INTS6: variants seen among roughly 807,000 people sequenced by gnomAD.
INTS6 encodes the protein DEAD box protein.
In INTS6, 16 loss-of-function variants were observed where a neutral mutation model predicts 104.9. The ratio of observed to expected loss-of-function variants is 0.15; its 90% CI spans 0.10 to 0.23. INTS6 has a LOEUF of 0.23. Ranked by LOEUF, INTS6 falls within the 10% of genes least tolerant of loss-of-function variation. The pLI is 1.00. For missense variants in INTS6, 584 were observed against 1,062.8 expected, an observed-to-expected ratio of 0.55 and a Z score of 6.26; for synonymous variants, 324 against 358.7, an observed-to-expected ratio of 0.90 and a Z score of 1.09.
intron 4 of INTS6, among the ~76,000 whole-genome samples, chr13:51,399,470 A>T (rs917114241): frequency 2.0e-5 from 3 of 152,224 alleles, no homozygotes; most frequent in Non-Finnish European, 4.4e-5. Flanking sequence ...GAATAGTGTA[A>T]CTATGAAATT....
At chr13:51,410,310 A>G (rs1234722056) in intron 4 of INTS6, among the ~76,000 whole-genome samples, 2 of 152,210 alleles carry the variant, frequency 1.3e-5, no homozygotes. Flanking sequence ...AGACTTAACT[A>G]AATGATTTCA....
downstream of INTS6, among the ~76,000 whole-genome samples, chr13:51,349,320 C>A (rs1239242865): frequency 1.3e-5 from 2 of 152,248 alleles, no homozygotes; most frequent in East Asian, 3.9e-4. Context: ...AAGTTAAGGG[C>A]CAAGGTCTAA....
chr13:51,429,895 A>T (rs947655487), intron 4 of INTS6, among the ~76,000 whole-genome samples: 6 of 150,544 alleles, frequency 4.0e-5, no homozygotes, highest in African/African-American at 1.5e-4. Flanking sequence ...GCTTTGCTAT[A>T]CTCTAGCCAA....
At chr13:51,394,952 G>C (rs1483802232) in intron 5 of INTS6, among the ~76,000 whole-genome samples, 1 of 152,144 alleles carries the variant, frequency 6.6e-6, no homozygotes, top group Non-Finnish European at 1.5e-5. Context: ...CAAATACACA[G>C]AGATGATTCT....
At chr13:51,344,401 A>C in the INTS6 span, 1 of 1,611,946 alleles carries the variant, frequency 6.2e-7, no homozygotes, top group Non-Finnish European at 8.5e-7. Flanking sequence ...CTGGTGGGCT[A>C]ACAGCAGCCT....
chr13:51,368,900 C>A, intron 16 of INTS6, 39 bp downstream of exon 16: 1 of 1,510,552 alleles, frequency 6.6e-7, no homozygotes, highest in Non-Finnish European at 8.8e-7. Flanking sequence ...TGAGCACATA[C>A]AGAAATCAGA....
downstream of INTS6, chr13:51,361,547 A>T (rs1955575255): frequency 6.8e-6 from 4 of 591,848 alleles, no homozygotes; most frequent in Middle Eastern, 4.0e-4. Context: ...GGAAGAAGAG[A>T]TATCCATCCC....
Position 51,369,273 on chromosome 13 carries a change from C to G in INTS6, c.2142G>C (p.Val714=). 1 of 1,613,016 alleles carries G rather than the reference C, an allele frequency of 6.2e-7. No individual in the cohort carries two copies. The highest frequency in any genetic ancestry group is 2.2e-5 in the East Asian group (1 of 44,846). ...ETTNDSIIHD[V]VENHVADQLS... ...GTTGGTCTGCAACATGATTTTCAAC[C>G]ACATCATGTATTATCGAATCATTAG... The change falls in exon 16 of 18, where the codon GTG becomes GTC. Residue 714 remains valine (V), a synonymous_variant. Transcript: ENST00000311234.
At chr13:51,340,852 A>G in the INTS6 span, 1 of 568,982 alleles carries the variant, frequency 1.8e-6, no homozygotes, top group South Asian at 2.2e-5. Flanking sequence ...TTGGCTGCCA[A>G]AGGACCACAG....
At chr13:51,437,978 T>C (rs1026701351) in intron 3 of INTS6, 3 of 152,154 alleles carry the variant, frequency 2.0e-5, no homozygotes, top group African/African-American at 7.2e-5. Flanking sequence ...CACTGCCCTC[T>C]AGCCTGGGCG....
chr13:51,420,975 T>G (rs1000266185), intron 4 of INTS6: 1 of 279,700 alleles, frequency 3.6e-6, no homozygotes, highest in African/African-American at 2.3e-5. Flanking sequence ...ATAATCATCA[T>G]CAACCAATTT....
intron 5 of INTS6, 97 bp from the exon 6 acceptor site, chr13:51,389,541 G>T: frequency 3.3e-6 from 4 of 1,217,378 alleles, no homozygotes; most frequent in Non-Finnish European, 4.4e-6. Flanking sequence ...ACAACTGTGG[G>T]GTTTCTGACA....
intron 3 of INTS6, chr13:51,444,252 A>ATTTTTTTTTT (rs57566246): frequency 1.8e-5 from 1 of 54,410 alleles, no homozygotes; most frequent in Non-Finnish European, 3.1e-5. Flanking sequence ...CCCCCAGCTA[A>ATTTTTTTTTT]TTTTTTTTTT....
rs1039756786 is a variant in INTS6, at chr13:51,365,477, C to T, written c.*275G>A. 7 of 187,858 alleles carry T rather than the reference C, an allele frequency of 3.7e-5. No homozygotes were observed. The highest frequency in any genetic ancestry group is 1.8e-4 in the Admixed American group (3 of 16,748). The allele number at this position is 187,858 out of a possible 1,614,324, so 11.6% of individuals were successfully genotyped here. A position where few individuals can be genotyped will look rare whatever the true frequency, so the allele number is the denominator to read the frequency against. On this transcript the variant is annotated 3_prime_UTR_variant, in exon 18 of 18. Transcript: ENST00000311234. Reference sequence around the variant, plus strand: ...AAATAGAACCTGAGGGAAATTGACACGCAAGAGTCAATGACAAGCAAGAGA... The same window carrying T: ...AAATAGAACCTGAGGGAAATTGACATGCAAGAGTCAATGACAAGCAAGAGA...
chr13:51,410,921 A>G (rs1956672406), intron 4 of INTS6, among the ~76,000 whole-genome samples: 1 of 152,090 alleles, frequency 6.6e-6, no homozygotes, highest in Admixed American at 6.6e-5. Context: ...ATAGAAAATA[A>G]GCACATGGAG....
intron 3 of INTS6, chr13:51,436,388 A>G (rs1429933798): frequency 6.6e-6 from 1 of 152,176 alleles, no homozygotes; most frequent in Non-Finnish European, 1.5e-5. Context: ...TAAGAAATAT[A>G]TTTTTAGTTT....
At chr13:51,433,392 G>A (rs1047425214) in intron 3 of INTS6, among the ~76,000 whole-genome samples, 1 of 152,242 alleles carries the variant, frequency 6.6e-6, no homozygotes, top group Non-Finnish European at 1.5e-5. Flanking sequence ...AGGTTGCAGT[G>A]AGTCAAGATC....
At chr13:51,345,814 A>C in the INTS6 span, among the ~76,000 whole-genome samples, 1 of 152,216 alleles carries the variant, frequency 6.6e-6, no homozygotes. Flanking sequence ...CCAGGGCGTA[A>C]GGCCAGAGAA....
downstream of INTS6, among the ~76,000 whole-genome samples, chr13:51,349,432 C>T (rs1204005045): frequency 6.6e-6 from 1 of 152,196 alleles, no homozygotes; most frequent in Non-Finnish European, 1.5e-5. Flanking sequence ...AACCCAAATA[C>T]TGGATATTTC....
Sources: allele counts gnomAD v4.1 joint callset (sites outside exome capture counted in the v4.1 genomes callset), GRCh38; gene constraint gnomAD v4.1.1; transcripts MANE v1.5; gene names NCBI Gene and HGNC (gene_info 2026-07-23, HGNC 2026-07-21).